The following GALK1 variants were observed in gnomAD, a reference collection of about 807,000 sequenced individuals.
GALK1 encodes the protein galactokinase 1.
GALK1 carries 30 observed loss-of-function variants against 38.6 expected under a neutral mutation model. The ratio of observed to expected loss-of-function variants is 0.78; its 90% CI spans 0.58 to 1.05. The LOEUF (loss-of-function observed/expected upper bound fraction) is 1.05, where lower values mean the gene tolerates loss of function less well. Ranked by LOEUF, GALK1 falls within the 50% of genes least tolerant of loss-of-function variation. The pLI, the probability that GALK1 is intolerant of heterozygous loss-of-function variation, is 0.00. For synonymous variants in GALK1, 240 were observed against 233.6 expected (o/e 1.03, Z -0.25); for missense variants, 512 against 540.5 (o/e 0.95, Z 0.52).
At chr17:75,753,779 T>G (rs1436560329), downstream of GALK1, 1 of 1,452,546 alleles carries the variant, frequency 6.9e-7, no homozygotes, top group East Asian at 2.7e-5. Context: ...CGGCTGGAAG[T>G]TCGAGCCCCT....
chr17:75,757,687 T>G (rs773180511), downstream of GALK1: 1 of 1,299,570 alleles, frequency 7.7e-7, no homozygotes, highest in East Asian at 2.4e-5. Flanking sequence ...AGGGGCTAGG[T>G]GTCTCCTGGG....
At chr17:75,755,266 T>C (rs1234680294), downstream of GALK1, 9 of 1,562,232 alleles carry the variant, frequency 5.8e-6, no homozygotes, top group Non-Finnish European at 7.8e-6. Context: ...CCATCTGTCA[T>C]CCAGCCACCA....
Position 75,758,298 on chromosome 17 carries a change from C to T in GALK1, c.1019G>A (p.Gly340Asp). The change falls in exon 7 of 8, where the codon GGC (glycine) becomes GAC (aspartate). Residue 340 changes from glycine (G) to aspartate (D), a missense_variant. Coordinates refer to ENST00000588479, the MANE Select transcript of GALK1 (RefSeq NM_000154.2). The stretch of plus-strand genomic sequence containing the variant: ...GAAGCCACCGCCCGTCATGCGGCTG[C>T]CATAAACCCCAGGCACAGCAAGCGC... Reference protein sequence around the residue: ...EAALAVPGVYGSRMTGGGFGG... With the variant: ...EAALAVPGVYDSRMTGGGFGG... The T allele has an allele frequency of 6.3e-7, 1 of 1,592,776 alleles. No individual in the cohort carries two copies.
downstream of GALK1, chr17:75,756,971 A>G (rs1175882261): frequency 2.5e-6 from 4 of 1,612,584 alleles, no homozygotes; most frequent in Non-Finnish European, 2.5e-6. Flanking sequence ...GGGTGGATGG[A>G]GACAGCCCCG....
At chr17:75,764,928 G>A (rs2061604213) in intron 1 of GALK1, 44 bp downstream of exon 1, 1 of 1,585,646 alleles carries the variant, frequency 6.3e-7, no homozygotes. Context: ...TCGGCGGCCG[G>A]GACAGGCGGC....
At position 75,765,100 on chromosome 17, in the gene GALK1, G is replaced by T. The variant is rs1001223598; in HGVS notation, c.37C>A (p.Leu13Met). ...ALRQPQVAEL[L>M]AEARRAFREE... ...CGGAAGGCTCGCCGGGCCTCGGCCA[G>T]CAGCTCCGCGACCTGGGGCTGTCTC... is the stretch of plus-strand genomic sequence containing the variant. The change falls in exon 1 of 8, where the codon CTG becomes ATG. Residue 13 changes from leucine to methionine, a missense_variant. By Grantham distance (15) the Leu-to-Met change is conservative (BLOSUM62 2). Transcript: ENST00000588479. The T allele has an allele frequency of 5.7e-6, 9 of 1,588,312 alleles. No individual in the cohort carries two copies. Among genetic ancestry groups the T allele is most frequent in the South Asian group, 2.3e-5 (2 of 88,138 alleles).
At position 75,763,036 on chromosome 17, in the gene GALK1, G is replaced by A; in HGVS notation, c.589C>T (p.His197Tyr). Residue 197 changes from histidine (H) to tyrosine (Y), a missense_variant, in exon 4 of 8, where the codon CAC becomes TAC. Coordinates refer to ENST00000588479, the MANE Select transcript of GALK1 (RefSeq NM_000154.2). ...AACCTGCAGTCAATGAGCAGCGCGT[G>A]GCCTTTCTGTCCCATAAGTGAGATG... Reference protein sequence around the residue: ...QFISLMGQKGHALLIDCRSLE... With the variant: ...QFISLMGQKGYALLIDCRSLE... 6.2e-7 allele frequency: 1 copy of A among 1,613,034 alleles called. No individual in the cohort carries two copies. Among genetic ancestry groups the A allele is most frequent in the Non-Finnish European group, 8.5e-7 (1 of 1,180,022 alleles).
downstream of GALK1, chr17:75,756,416 C>G: frequency 6.2e-7 from 1 of 1,613,156 alleles, no homozygotes; most frequent in Non-Finnish European, 8.5e-7. Context: ...GTGCCCCCAC[C>G]TGATCCCCCC....
chr17:75,753,656 G>A, downstream of GALK1: 2 of 691,204 alleles, frequency 2.9e-6, no homozygotes, highest in East Asian at 3.5e-5. Flanking sequence ...CCGGGATCCC[G>A]GGAGCTGGAG....
At chr17:75,754,715 C>T (rs2061447156), downstream of GALK1, 1 of 1,614,070 alleles carries the variant, frequency 6.2e-7, no homozygotes, top group Non-Finnish European at 8.5e-7. Flanking sequence ...GCACATCCTC[C>T]ACCCTCACAC....
At chr17:75,752,110 CA>C (rs1568379557) in intron 8 of GALK1, 6 of 1,544,426 alleles carry the variant, frequency 3.9e-6, no homozygotes, top group Non-Finnish European at 4.5e-6. Flanking sequence ...CCTGCTGTGT[CA>C]GGGGTGGTGT....
intron 5 of GALK1, among the ~76,000 whole-genome samples, chr17:75,760,266 G>A (rs1310711165): frequency 6.6e-6 from 1 of 151,788 alleles, no homozygotes; most frequent in African/African-American, 2.4e-5. Flanking sequence ...GCTAATTTTT[G>A]TATTTCTTTA....
downstream of GALK1, chr17:75,755,852 T>C: frequency 1.9e-6 from 3 of 1,602,002 alleles, no homozygotes; most frequent in Non-Finnish European, 2.5e-6. Flanking sequence ...TGAACGGCGG[T>C]GAGGCATGGT....
At chr17:75,764,781 C>T (rs2061603586) in intron 1 of GALK1, 191 bp downstream of exon 1, 1 of 676,314 alleles carries the variant, frequency 1.5e-6, no homozygotes, top group East Asian at 2.7e-5. Flanking sequence ...CCGGCCACTT[C>T]CTCGCTTCCT....
At chr17:75,752,033 T>G in intron 8 of GALK1, 1 of 911,112 alleles carries the variant, frequency 1.1e-6, no homozygotes, top group Non-Finnish European at 1.8e-6. Flanking sequence ...CAGGCGGCAA[T>G]TCAGCAGTGG....
intron 8 of GALK1, chr17:75,752,251 T>A (rs2061384161): frequency 1.2e-6 from 2 of 1,613,332 alleles, no homozygotes; most frequent in Non-Finnish European, 8.5e-7. Context: ...CCTTCGGGAG[T>A]CCCAGCCCTA....
downstream of GALK1, chr17:75,756,528 A>G: frequency 1.2e-6 from 2 of 1,613,310 alleles, no homozygotes; most frequent in African/African-American, 1.3e-5. Context: ...GTGCGGGCCC[A>G]GAGCCAGGAA....
chr17:75,756,723 C>T, downstream of GALK1: 1 of 1,613,240 alleles, frequency 6.2e-7, no homozygotes, highest in East Asian at 2.2e-5. Context: ...TCACTTTGAG[C>T]ACTCCCAGTG....
chr17:75,756,458 C>T (rs2061505459), downstream of GALK1: 2 of 1,613,380 alleles, frequency 1.2e-6, no homozygotes, highest in Non-Finnish European at 1.7e-6. Context: ...CATCCCCAAC[C>T]CTGCCCAGAC....
Sources: gnomAD v4.1 joint callset for allele counts (sites outside exome capture counted in the v4.1 genomes callset) on GRCh38, gnomAD v4.1.1 for gene constraint, MANE v1.5 for transcripts, NCBI Gene and HGNC (gene_info 2026-07-23, HGNC 2026-07-21) for gene names.